The following CTXND1 variants were observed in gnomAD, a reference collection of about 807,000 sequenced individuals.
CTXND1 encodes cortexin domain-containing 1 protein.
chr15:80,235,617 A>G lies in CTXND1; in HGVS notation c.-218+16390T>C, dbSNP rs551126842. Among the ~76,000 whole-genome samples the G allele has an allele frequency of 2.1e-4, 32 of 152,228 alleles. No individual in the cohort carries two copies. The South Asian group carries it at 6.7e-3, about 32-fold the overall frequency. ...CTATCTCCTGAGGGCCAATCTTGCC[A>G]GTTGGACATCTTCACTGGGATGTCC... is the stretch of plus-strand genomic sequence containing the variant. On this transcript the variant is annotated intron_variant, in intron 1 of 2. Coordinates refer to ENST00000560778, the MANE Select transcript of CTXND1 (RefSeq NM_001352888.2).
chr15:80,224,076 G>A (rs1376666685), intron 1 of CTXND1, among the ~76,000 whole-genome samples: 1 of 152,174 alleles, frequency 6.6e-6, no homozygotes, highest in Non-Finnish European at 1.5e-5. Flanking sequence ...GCCATGTCAA[G>A]AATCAGCTGC....
chr15:80,203,207 C>T (rs182615335), intron 2 of CTXND1, among the ~76,000 whole-genome samples: 5 of 152,292 alleles, frequency 3.3e-5, no homozygotes, highest in Admixed American at 1.3e-4. Context: ...ACATAGCATT[C>T]GTCCCTATCC....
Position 80,198,213 on chromosome 15 carries a change from G to A in CTXND1, c.*3557C>T, listed in dbSNP as rs2041430253. 1 of 152,210 alleles carries A rather than the reference G, an allele frequency of 6.6e-6. No homozygotes were observed. Among genetic ancestry groups the A allele is most frequent in the African/African-American group, 2.4e-5 (1 of 41,424 alleles). 9.4% of individuals were successfully genotyped at this position (152,210 alleles called of 1,614,324 possible). A position where few individuals can be genotyped will look rare whatever the true frequency, so the allele number is the denominator to read the frequency against. On this transcript the variant is annotated 3_prime_UTR_variant, in exon 3 of 3. Transcript: ENST00000560778. Reference sequence around the variant, plus strand: ...CTGCAGAGTGGTGGATCATTTATCAGACTTTAGAGAGGGCTTGGGGCAACA... The same window carrying A: ...CTGCAGAGTGGTGGATCATTTATCAAACTTTAGAGAGGGCTTGGGGCAACA...
chr15:80,204,169 AATATATATATAT>A (rs1282033532), intron 1 of CTXND1, among the ~76,000 whole-genome samples: 100 of 65,162 alleles, frequency 1.5e-3, no homozygotes, highest in African/African-American at 6.5e-3. Context: ...AAAAAAAAAA[AATATATATATAT>A]ATATATATAT....
At chr15:80,212,834 C>T (rs1003250454) in intron 1 of CTXND1, among the ~76,000 whole-genome samples, 13 of 152,074 alleles carry the variant, frequency 8.5e-5, no homozygotes, top group African/African-American at 2.7e-4. Flanking sequence ...AGAAAACATA[C>T]TGATAAAACT....
At chr15:80,241,469 G>A (rs1567135411) in intron 1 of CTXND1, among the ~76,000 whole-genome samples, 1 of 152,094 alleles carries the variant, frequency 6.6e-6, no homozygotes, top group Non-Finnish European at 1.5e-5. Flanking sequence ...AGTATCACCT[G>A]CTATGATCTG....
chr15:80,247,077 C>A (rs60949499), intron 1 of CTXND1, among the ~76,000 whole-genome samples: 1 of 152,082 alleles, frequency 6.6e-6, no homozygotes, highest in South Asian at 2.1e-4. Flanking sequence ...TCAAAGCAGT[C>A]GGGTGGTGTG....
chr15:80,213,536 G>A (rs945665870), intron 1 of CTXND1, among the ~76,000 whole-genome samples: 2 of 152,216 alleles, frequency 1.3e-5, no homozygotes, highest in Admixed American at 6.5e-5. Flanking sequence ...TATAGGAGAG[G>A]AGAAGGCAAT....
rs548228868 is a variant in CTXND1, at chr15:80,199,002, A to T, written c.*2768T>A. ...TGAAAAAAAATCTTGCATGAGGACAATGATTAGAAGGGAATATATGGACAC... is the reference window on the plus strand; with the variant it reads ...TGAAAAAAAATCTTGCATGAGGACATTGATTAGAAGGGAATATATGGACAC... On this transcript the variant is annotated 3_prime_UTR_variant, in exon 3 of 3. Transcript: ENST00000560778. 1 of 152,332 alleles carries T rather than the reference A, an allele frequency of 6.6e-6. No homozygotes were observed. Among genetic ancestry groups the T allele is most frequent in the African/African-American group, 2.4e-5 (1 of 41,570 alleles). 9.4% of individuals were successfully genotyped at this position (152,332 alleles called of 1,614,324 possible). A position where few individuals can be genotyped will look rare whatever the true frequency, so the allele number is the denominator to read the frequency against.
At chr15:80,220,193 G>A (rs1181588087) in intron 1 of CTXND1, among the ~76,000 whole-genome samples, 3 of 149,610 alleles carry the variant, frequency 2.0e-5, no homozygotes, top group African/African-American at 7.4e-5. Context: ...ATCTATATTA[G>A]AATTCTACAA....
Position 80,204,172 on chromosome 15 carries a change from ATATAT to A in CTXND1, c.-217-437_-217-433del, listed in dbSNP as rs1567127620. Among the ~76,000 whole-genome samples, 193 of 45,998 alleles carry A rather than the reference ATATAT, an allele frequency of 4.2e-3. 3 individuals are homozygous for A. Among genetic ancestry groups the A allele is most frequent in the African/African-American group, 7.7e-3 (68 of 8,790 alleles). 30.2% of individuals were successfully genotyped at this position (45,998 alleles called of 152,430 possible). A position where few individuals can be genotyped will look rare whatever the true frequency, so the allele number is the denominator to read the frequency against. On this transcript the variant is annotated intron_variant, in intron 1 of 2. Coordinates refer to ENST00000560778, the MANE Select transcript of CTXND1 (RefSeq NM_001352888.2). ...AAAAAAAAAAAAAAAAAAAAAAAAT[ATATAT>A]ATATATATATATATATATATATACA...
intron 1 of CTXND1, among the ~76,000 whole-genome samples, chr15:80,220,139 TATCTATC>T (rs1016654831): frequency 1.2e-4 from 11 of 93,632 alleles, no homozygotes; most frequent in Non-Finnish European, 1.7e-4. Flanking sequence ...TCTATCTATC[TATCTATC>T]ATCTATCTAT....
intron 1 of CTXND1, among the ~76,000 whole-genome samples, chr15:80,251,325 C>G (rs117613409): frequency 6.6e-6 from 1 of 152,140 alleles, no homozygotes; most frequent in Non-Finnish European, 1.5e-5. Context: ...TCCACTGATA[C>G]GGAAAAATAT....
chr15:80,220,185 C>G (rs377091755), intron 1 of CTXND1, among the ~76,000 whole-genome samples: 1 of 151,356 alleles, frequency 6.6e-6, no homozygotes, highest in African/African-American at 2.4e-5. Context: ...ATCTATCTAT[C>G]TATATTAGAA....
At chr15:80,217,110 T>A (rs1333095133) in intron 1 of CTXND1, among the ~76,000 whole-genome samples, 1 of 152,134 alleles carries the variant, frequency 6.6e-6, no homozygotes, top group African/African-American at 2.4e-5. Flanking sequence ...TAGGCTCTAG[T>A]GCCAGGACAC....
At chr15:80,238,801 C>T (rs60927861) in intron 1 of CTXND1, among the ~76,000 whole-genome samples, 4,863 of 152,280 alleles carry the variant, frequency 0.032, 357 homozygotes, top group East Asian at 0.27. Flanking sequence ...ACTCAGGGAA[C>T]AAGTTCTACC....
chr15:80,199,995 A>G lies in CTXND1; in HGVS notation c.*1775T>C, dbSNP rs1165115255. 1 of 152,252 alleles carries G rather than the reference A, an allele frequency of 6.6e-6. No homozygotes were observed. Among genetic ancestry groups the G allele is most frequent in the African/African-American group, 2.4e-5 (1 of 41,446 alleles). The allele number at this position is 152,252 out of a possible 1,614,324, so 9.4% of individuals were successfully genotyped here. A position where few individuals can be genotyped will look rare whatever the true frequency, so the allele number is the denominator to read the frequency against. On this transcript the variant is annotated 3_prime_UTR_variant, in exon 3 of 3. Coordinates refer to ENST00000560778, the MANE Select transcript of CTXND1 (RefSeq NM_001352888.2). The stretch of plus-strand genomic sequence containing the variant: ...AGGTGCTCTCATTTAACTTCGTACC[A>G]TGTTATGGGAAAACTGATGACAAAG...
Position 80,201,805 on chromosome 15 carries a change from T to C in CTXND1, c.145A>G (p.Thr49Ala). The part of the protein sequence containing the change: ...VIMDPYSAIP[T>A]STWEEQHLDD ...AGGTGCTGCTCCTCCCAGGTGGATG[T>C]GGGGATGGCGCTGTAAGGGTCCATG... The change falls in exon 3 of 3, where the codon ACA becomes GCA. Residue 49 changes from threonine to alanine, a missense_variant. Transcript: ENST00000560778. 1 of 398,772 alleles carries C rather than the reference T, an allele frequency of 2.5e-6. No individual in the cohort carries two copies. 24.7% of individuals were successfully genotyped at this position (398,772 alleles called of 1,614,324 possible).
At chr15:80,216,868 G>C (rs1184471338) in intron 1 of CTXND1, among the ~76,000 whole-genome samples, 1 of 152,066 alleles carries the variant, frequency 6.6e-6, no homozygotes, top group African/African-American at 2.4e-5. Flanking sequence ...ACCTGCCTTG[G>C]CCTCTGAAAT....
Sources: gnomAD v4.1 joint callset for allele counts (sites outside exome capture counted in the v4.1 genomes callset) on GRCh38, gnomAD v4.1.1 for gene constraint, MANE v1.5 for transcripts, NCBI Gene and HGNC (gene_info 2026-07-23, HGNC 2026-07-21) for gene names.